Variants in KHDC1 observed in about 807,000 individuals in gnomAD.
KHDC1 encodes the protein KH homology domain-containing protein 1.
A neutral mutation model predicts 24.7 loss-of-function variants in KHDC1; 21 were observed. The observed-to-expected ratio is 0.85, with a 90% CI of 0.60 to 1.23. The LOEUF (loss-of-function observed/expected upper bound fraction) is 1.23. KHDC1 is among the 50% of genes most tolerant of loss of function. The pLI is 0.00. For missense variants in KHDC1, 274 were observed against 298.5 expected, an observed-to-expected ratio of 0.92 and a Z score of 0.61; for synonymous variants, 98 against 111.7, an observed-to-expected ratio of 0.88 and a Z score of 0.77.
At chr6:73,269,132 T>C (rs1469651401) in intron 2 of KHDC1, 1 of 153,490 alleles carries the variant, frequency 6.5e-6, no homozygotes, top group Non-Finnish European at 1.4e-5. Flanking sequence ...AGCCCCTCAT[T>C]GCCCGGGGCC....
At chr6:73,281,255 C>T (rs112109668) in intron 2 of KHDC1, among the ~76,000 whole-genome samples, 9,186 of 151,872 alleles carry the variant, frequency 0.06, 741 homozygotes, top group African/African-American at 0.18. Flanking sequence ...AGGAGAATCA[C>T]TTGAACCTGG....
intron 2 of KHDC1, chr6:73,276,514 A>AAC (rs972645307): frequency 6.6e-6 from 1 of 151,396 alleles, no homozygotes; most frequent in African/African-American, 2.4e-5. Flanking sequence ...TAAAAAAAAA[A>AAC]AAACTAGCCA....
chr6:73,270,829 T>G (rs1450523092), intron 2 of KHDC1, among the ~76,000 whole-genome samples: 1 of 151,994 alleles, frequency 6.6e-6, no homozygotes, highest in African/African-American at 2.4e-5. Context: ...TAGCTGGGAC[T>G]ACAGGCGCGT....
intron 2 of KHDC1, among the ~76,000 whole-genome samples, chr6:73,273,895 G>A (rs1293879755): frequency 6.6e-6 from 1 of 152,178 alleles, no homozygotes; most frequent in African/African-American, 2.4e-5. Context: ...AAGGTGGGAG[G>A]ATCACTTGAA....
intron 2 of KHDC1, among the ~76,000 whole-genome samples, chr6:73,286,691 G>A (rs1205454579): frequency 6.6e-6 from 1 of 152,154 alleles, no homozygotes; most frequent in Admixed American, 6.5e-5. Flanking sequence ...AGACCAGCCT[G>A]ACGAACATGG....
intron 1 of KHDC1, chr6:73,299,426 G>C (rs2150750031): frequency 6.6e-6 from 1 of 152,418 alleles, no homozygotes; most frequent in Admixed American, 6.5e-5. Flanking sequence ...TCTTCCAACG[G>C]AGCCGCTGAC....
intron 2 of KHDC1, among the ~76,000 whole-genome samples, chr6:73,248,416 T>G (rs1162108328): frequency 6.6e-6 from 1 of 151,986 alleles, no homozygotes; most frequent in African/African-American, 2.4e-5. Flanking sequence ...CTCTCTTCTC[T>G]CTCATCTTCC....
intron 2 of KHDC1, among the ~76,000 whole-genome samples, chr6:73,266,701 A>G (rs553491003): frequency 6.8e-4 from 103 of 152,384 alleles, no homozygotes; most frequent in African/African-American, 2.4e-3. Flanking sequence ...AGATTTGGCA[A>G]TGATTTCTCA....
At chr6:73,298,213 A>T (rs1462910813) in intron 1 of KHDC1, among the ~76,000 whole-genome samples, 1 of 152,016 alleles carries the variant, frequency 6.6e-6, no homozygotes, top group Non-Finnish European at 1.5e-5. Flanking sequence ...GTAGAACCCA[A>T]CTGGAGAGGA....
chr6:73,243,568 G>T (rs926580713), intron 2 of KHDC1, among the ~76,000 whole-genome samples: 2 of 152,192 alleles, frequency 1.3e-5, no homozygotes, highest in African/African-American at 4.8e-5. Context: ...GGCTGAACAA[G>T]ATGTACTAGT....
At chr6:73,287,957 G>A (rs1165604438) in intron 2 of KHDC1, among the ~76,000 whole-genome samples, 1 of 152,212 alleles carries the variant, frequency 6.6e-6, no homozygotes, top group Non-Finnish European at 1.5e-5. Flanking sequence ...AATTAGAGTG[G>A]AGAAGGGCTA....
intron 2 of KHDC1, among the ~76,000 whole-genome samples, chr6:73,252,458 T>C (rs1318468530): frequency 1.3e-5 from 2 of 152,178 alleles, no homozygotes; most frequent in Non-Finnish European, 2.9e-5. Context: ...AAACATTTTC[T>C]ATAAAGGGCC....
chr6:73,289,485 A>G (rs1344445734), intron 2 of KHDC1, among the ~76,000 whole-genome samples: 2 of 150,352 alleles, frequency 1.3e-5, no homozygotes, highest in African/African-American at 4.9e-5. Flanking sequence ...CCCTGTCTCT[A>G]TTAAAAATAC....
intron 2 of KHDC1, chr6:73,262,935 G>C (rs1767007576): frequency 1.6e-5 from 16 of 988,942 alleles, no homozygotes; most frequent in Non-Finnish European, 1.9e-5. Flanking sequence ...CGGACTAACC[G>C]AGTTCGAGAC....
intron 4 of KHDC1, 71 bp downstream of exon 3, chr6:73,241,984 C>T: frequency 6.7e-7 from 1 of 1,490,206 alleles, no homozygotes; most frequent in Non-Finnish European, 9.0e-7. Context: ...TTCAAGAATC[C>T]AAGATGCTAC....
chr6:73,288,776 C>T (rs1158301869), intron 2 of KHDC1, among the ~76,000 whole-genome samples: 1 of 91,798 alleles, frequency 1.1e-5, no homozygotes, highest in Non-Finnish European at 2.0e-5. Context: ...CCAGCCTGAA[C>T]AACATAGTAT....
chr6:73,309,826 G>A, exon 1 of KHDC1: 1 of 1,309,492 alleles, frequency 7.6e-7, no homozygotes, highest in Non-Finnish European at 1.0e-6. Flanking sequence ...ACGGAGAAGC[G>A]AAGTTCAGGA....
chr6:73,262,636 T>G, intron 2 of KHDC1, 138 bp downstream of exon 1: 1 of 547,570 alleles, frequency 1.8e-6, no homozygotes. Flanking sequence ...TCACACGATC[T>G]GTTTTAATTT....
intron 2 of KHDC1, among the ~76,000 whole-genome samples, chr6:73,247,342 C>A (rs1181200763): frequency 6.6e-6 from 1 of 152,074 alleles, no homozygotes; most frequent in Non-Finnish European, 1.5e-5. Context: ...AGACAGAGCC[C>A]TCAGGACTTT....
Sources: allele counts gnomAD v4.1 joint callset (sites outside exome capture counted in the v4.1 genomes callset), GRCh38; gene constraint gnomAD v4.1.1; transcripts MANE v1.5; gene names NCBI Gene and HGNC (gene_info 2026-07-23, HGNC 2026-07-21).